TXNDC8: variants seen among roughly 807,000 people sequenced by gnomAD.
The protein encoded by TXNDC8 is thioredoxin domain-containing protein 8.
Under a neutral mutation model 12.9 loss-of-function variants are expected in TXNDC8, and 15 were observed. That is an observed-to-expected ratio of 1.16 (90% confidence interval 0.78 to 1.79). TXNDC8 has a LOEUF of 1.79. Ranked by LOEUF, TXNDC8 falls within the 40% of genes most tolerant of loss-of-function variation. TXNDC8 has a pLI of 0.00. For missense variants in TXNDC8, 128 were observed against 113.2 expected, an observed-to-expected ratio of 1.13 and a Z score of -0.59; for synonymous variants, 40 against 35.4, an observed-to-expected ratio of 1.13 and a Z score of -0.46.
At chr9:110,327,326 A>ATT (rs59735243) in intron 2 of TXNDC8, among the ~76,000 whole-genome samples, 54,755 of 113,708 alleles carry the variant, frequency 0.48, 11,070 homozygotes, top group Non-Finnish European at 0.54. Context: ...TATACTATAT[A>ATT]TTTTTTTTTT....
At chr9:110,313,631 G>A (rs911762616) in intron 3 of TXNDC8, among the ~76,000 whole-genome samples, 1 of 152,180 alleles carries the variant, frequency 6.6e-6, no homozygotes, top group Admixed American at 6.5e-5. Context: ...TACCCAGGAG[G>A]TGGAGGTTGC....
rs568341622 is a variant in TXNDC8 at position 110,314,438 on chromosome 9, C to CTT, written c.196-9908_196-9907dup. 1.7e-3 allele frequency among the ~76,000 whole-genome samples: 210 copies of CTT among 124,708 alleles called. No individual in the cohort carries two copies. The East Asian group carries it at 0.025, about 15-fold the overall frequency. 81.8% of individuals were successfully genotyped at this position (124,708 alleles called of 152,430 possible). On this transcript the variant is annotated intron_variant, in intron 3 of 4. Coordinates refer to ENST00000423740, the MANE Select transcript of TXNDC8 (RefSeq NM_001286946.2). ...TTTTTTCTTTTTCTTTTTCTTTTTT[C>CTT]TTTTTTTTTTTTGAGATGGAGTCTC...
At chr9:110,329,020 G>A (rs555175796) in intron 2 of TXNDC8, among the ~76,000 whole-genome samples, 2 of 152,192 alleles carry the variant, frequency 1.3e-5, no homozygotes, top group Admixed American at 6.5e-5. Flanking sequence ...TATCAGGAGA[G>A]CTAATCTTTT....
At chr9:110,326,291 T>C (rs1451757036) in intron 2 of TXNDC8, 51 bp from the exon 4 acceptor site, 1 of 1,592,492 alleles carries the variant, frequency 6.3e-7, no homozygotes, top group Non-Finnish European at 8.6e-7. Context: ...GTCCTCTCTC[T>C]GTACCAAGCA....
At chr9:110,333,707 TTTTG>T (rs879813853) in intron 2 of TXNDC8, among the ~76,000 whole-genome samples, 16 of 152,184 alleles carry the variant, frequency 1.1e-4, no homozygotes, top group African/African-American at 3.4e-4. Context: ...AATAAACAGA[TTTTG>T]TTTATTTAAC....
rs754942712 is a variant in TXNDC8 at position 110,326,206 on chromosome 9, G to C, written c.164C>G (p.Pro55Arg). 6.2e-6 allele frequency: 10 copies of C among 1,613,984 alleles called. No individual in the cohort carries two copies. The highest frequency in any genetic ancestry group is 8.5e-6 in the Non-Finnish European group (10 of 1,179,932). Residue 55 changes from proline (P) to arginine (R), a missense_variant, in exon 3 of 5, where the codon CCC (proline) becomes CGC (arginine). By Grantham distance (103) the Pro-to-Arg change is moderately radical. Coordinates refer to ENST00000423740, the MANE Select transcript of TXNDC8 (RefSeq NM_001286946.2). ...GCTTTTCTTGAACATCTGAAATGTG[G>C]GTATTGTTTTGATGTGACAAGTTTC...
chr9:110,307,104 CTT>C (rs60578345), intron 3 of TXNDC8, among the ~76,000 whole-genome samples: 6 of 142,762 alleles, frequency 4.2e-5, no homozygotes, highest in African/African-American at 1.0e-4. Flanking sequence ...AATACACTGG[CTT>C]TTTTTTTTTT....
intron 2 of TXNDC8, among the ~76,000 whole-genome samples, chr9:110,330,376 A>G (rs187233140): frequency 1.1e-4 from 17 of 152,314 alleles, no homozygotes; most frequent in Admixed American, 1.1e-3. Flanking sequence ...GATTGTGGCA[A>G]AATCCTTCCT....
At chr9:110,302,325 A>G (rs1201570343), downstream of TXNDC8, among the ~76,000 whole-genome samples, 1 of 152,132 alleles carries the variant, frequency 6.6e-6, no homozygotes, top group African/African-American at 2.4e-5. Flanking sequence ...TTGTAGAGAC[A>G]GGGTTTCACC....
At chr9:110,302,212 G>A (rs1452348907), downstream of TXNDC8, among the ~76,000 whole-genome samples, 1 of 150,976 alleles carries the variant, frequency 6.6e-6, no homozygotes, top group Non-Finnish European at 1.5e-5. Flanking sequence ...TGTTGCCCAT[G>A]CTGGTCTCAA....
At chr9:110,327,708 T>C (rs961807506) in intron 2 of TXNDC8, among the ~76,000 whole-genome samples, 3 of 152,204 alleles carry the variant, frequency 2.0e-5, no homozygotes, top group Non-Finnish European at 2.9e-5. Flanking sequence ...ACATATTCTA[T>C]GATTCCCTTT....
intron 3 of TXNDC8, among the ~76,000 whole-genome samples, chr9:110,308,218 T>A (rs938841852): frequency 2.6e-5 from 4 of 152,228 alleles, no homozygotes; most frequent in African/African-American, 9.7e-5. Flanking sequence ...TCCCTTTTTT[T>A]AGAGTTTTAC....
At chr9:110,304,407 A>G in intron 4 of TXNDC8, 60 bp downstream of exon 5, 1 of 1,482,930 alleles carries the variant, frequency 6.7e-7, no homozygotes, top group Non-Finnish European at 9.3e-7. Context: ...GTGTCATTAT[A>G]TTTATTCCTT....
At chr9:110,334,579 T>C (rs1023560910) in intron 1 of TXNDC8, among the ~76,000 whole-genome samples, 1 of 152,156 alleles carries the variant, frequency 6.6e-6, no homozygotes, top group African/African-American at 2.4e-5. Flanking sequence ...AGGTGTACCA[T>C]GCCATTGTTC....
At chr9:110,317,107 G>A (rs985119198) in intron 3 of TXNDC8, among the ~76,000 whole-genome samples, 5 of 152,316 alleles carry the variant, frequency 3.3e-5, no homozygotes, top group South Asian at 2.1e-4. Flanking sequence ...GGGCAAAAGC[G>A]TGTGCATCTA....
intron 3 of TXNDC8, among the ~76,000 whole-genome samples, chr9:110,321,833 C>G (rs72757091): frequency 0.2 from 30,883 of 151,750 alleles, 3,410 homozygotes; most frequent in East Asian, 0.46. Context: ...TGAGGTAAGA[C>G]CAGGGGAGAG....
rs373046890 is a variant in TXNDC8 at position 110,334,619 on chromosome 9, A to T, written c.25-299T>A. The stretch of plus-strand genomic sequence containing the variant: ...GCTGACCCCACCTTAAATGTCCCTC[A>T]TGTCAAATATATTTCTCTTTGTAAG... On this transcript the variant is annotated intron_variant, in intron 1 of 4. Coordinates refer to ENST00000423740, the MANE Select transcript of TXNDC8 (RefSeq NM_001286946.2). Among the ~76,000 whole-genome samples the T allele has an allele frequency of 1.0e-3, 156 of 152,258 alleles. 4 individuals carry two copies. In the South Asian group the frequency reaches 0.031, roughly 30 times the overall value.
chr9:110,333,118 G>A (rs914779237), intron 2 of TXNDC8, among the ~76,000 whole-genome samples: 7 of 152,128 alleles, frequency 4.6e-5, no homozygotes, highest in Admixed American at 4.6e-4. Context: ...TAAAGATACA[G>A]TTGTACAGGA....
At chr9:110,337,602 G>C (rs1839807260) in intron 1 of TXNDC8, among the ~76,000 whole-genome samples, 171 bp downstream of exon 1, 1 of 152,178 alleles carries the variant, frequency 6.6e-6, no homozygotes, top group Non-Finnish European at 1.5e-5. Flanking sequence ...TGCTTTTCTT[G>C]ATAGTACCAT....
Sources: allele counts gnomAD v4.1 joint callset (sites outside exome capture counted in the v4.1 genomes callset), GRCh38; gene constraint gnomAD v4.1.1; transcripts MANE v1.5; gene names NCBI Gene and HGNC (gene_info 2026-07-23, HGNC 2026-07-21).